The following ADAMTS19 variants were observed in gnomAD, a reference collection of about 807,000 sequenced individuals.
The protein encoded by ADAMTS19 is ADAM metallopeptidase with thrombospondin type 1 motif 19, also known as A disintegrin and metalloproteinase with thrombospondin motifs 19.
Under a neutral mutation model 153.3 loss-of-function variants are expected in ADAMTS19, and 93 were observed. That is an observed-to-expected ratio of 0.61 (90% CI 0.51 to 0.72). ADAMTS19 has a LOEUF of 0.72. Among genes scored for constraint, ADAMTS19 ranks in the 30% least tolerant of loss-of-function variants. ADAMTS19 has a pLI of 0.00. For synonymous variants in ADAMTS19, 600 were observed against 556.6 expected (o/e 1.08, Z -1.10); for missense variants, 1,482 against 1,552.1 (o/e 0.95, Z 0.76).
chr5:129,489,235 G>A (rs1750689969), intron 2 of ADAMTS19, among the ~76,000 whole-genome samples: 1 of 152,066 alleles, frequency 6.6e-6, no homozygotes, highest in Non-Finnish European at 1.5e-5. Flanking sequence ...GTACATAATA[G>A]TTGATGAGAA....
chr5:129,716,346 GCACCACCA>G (rs1432471530), intron 21 of ADAMTS19, among the ~76,000 whole-genome samples: 2 of 151,886 alleles, frequency 1.3e-5, no homozygotes, highest in Non-Finnish European at 2.9e-5. Context: ...CTACAGGCAT[GCACCACCA>G]CACCCAGCTG....
Position 129,717,973 on chromosome 5 carries a change from T to G in ADAMTS19, c.3312+13582T>G, listed in dbSNP as rs149855468. Reference sequence around the variant, plus strand: ...TTTAATGATTGTCATTCCAAAAAGTTCTCTCTGGTGGGAAGATGTTTCACT... The same window carrying G: ...TTTAATGATTGTCATTCCAAAAAGTGCTCTCTGGTGGGAAGATGTTTCACT... On this transcript the variant is annotated intron_variant, in intron 21 of 22. Transcript: ENST00000274487. Among the ~76,000 whole-genome samples, 521 of 152,250 alleles carry G rather than the reference T, an allele frequency of 3.4e-3. 4 individuals are homozygous for G. Among genetic ancestry groups the G allele is most frequent in the African/African-American group, 0.012 (507 of 41,556 alleles).
chr5:129,643,774 T>C (rs979322284), intron 11 of ADAMTS19, among the ~76,000 whole-genome samples: 3 of 152,158 alleles, frequency 2.0e-5, no homozygotes, highest in African/African-American at 7.2e-5. Flanking sequence ...AGAATTTGGG[T>C]CTGTTTTATT....
intron 6 of ADAMTS19, among the ~76,000 whole-genome samples, chr5:129,536,317 A>G (rs1375604019): frequency 3.9e-5 from 6 of 152,232 alleles, no homozygotes; most frequent in Non-Finnish European, 5.9e-5. Flanking sequence ...AAAAATGCTC[A>G]TCATCACTGG....
chr5:129,578,374 G>A (rs1391326071), intron 7 of ADAMTS19, among the ~76,000 whole-genome samples: 3 of 116,144 alleles, frequency 2.6e-5, no homozygotes, highest in African/African-American at 6.6e-5. Flanking sequence ...GTATATGTAC[G>A]TATACGTACA....
chr5:129,715,031 G>A (rs1756662789), intron 21 of ADAMTS19, among the ~76,000 whole-genome samples: 1 of 152,092 alleles, frequency 6.6e-6, no homozygotes, highest in African/African-American at 2.4e-5. Context: ...CTACTATTAA[G>A]TAAGTAAATG....
chr5:129,558,432 T>A (rs76134640), intron 7 of ADAMTS19, among the ~76,000 whole-genome samples: 3,605 of 152,176 alleles, frequency 0.024, 117 homozygotes, highest in African/African-American at 0.078. Context: ...ATGAAATATA[T>A]TGAAATATAT....
At chr5:129,598,507 A>C (rs1457203139) in intron 8 of ADAMTS19, among the ~76,000 whole-genome samples, 1 of 152,230 alleles carries the variant, frequency 6.6e-6, no homozygotes, top group Admixed American at 6.5e-5. Flanking sequence ...TGAATTAACA[A>C]AATTAAATAT....
intron 14 of ADAMTS19, 33 bp from the exon 15 acceptor site, chr5:129,658,584 T>C (rs1265360187): frequency 6.2e-7 from 1 of 1,605,166 alleles, no homozygotes; most frequent in Non-Finnish European, 8.5e-7. Context: ...AGAATACTGC[T>C]ATTTATGATG....
At chr5:129,496,834 G>A (rs931343419) in intron 2 of ADAMTS19, among the ~76,000 whole-genome samples, 56 of 152,008 alleles carry the variant, frequency 3.7e-4, no homozygotes, top group South Asian at 8.3e-4. Context: ...GGTGGGTGGC[G>A]ATTTGGAAGC....
chr5:129,719,304 A>C (rs1756871076), intron 21 of ADAMTS19, among the ~76,000 whole-genome samples: 1 of 152,168 alleles, frequency 6.6e-6, no homozygotes, highest in Admixed American at 6.5e-5. Context: ...CCATGAACTC[A>C]CTGACAAACT....
chr5:129,644,485 G>A (rs982670070), intron 11 of ADAMTS19, among the ~76,000 whole-genome samples: 3 of 152,188 alleles, frequency 2.0e-5, no homozygotes, highest in Admixed American at 6.5e-5. Context: ...TAATCTAAGA[G>A]TATATAATTA....
chr5:129,695,770 A>C (rs1165006411), intron 19 of ADAMTS19, among the ~76,000 whole-genome samples: 2 of 152,302 alleles, frequency 1.3e-5, no homozygotes, highest in Admixed American at 1.3e-4. Context: ...AGGAATATTT[A>C]CTTTGTCCTG....
At chr5:129,617,629 T>G (rs1265088816) in intron 8 of ADAMTS19, among the ~76,000 whole-genome samples, 1 of 152,060 alleles carries the variant, frequency 6.6e-6, no homozygotes, top group Admixed American at 6.6e-5. Flanking sequence ...CACCCATTGA[T>G]GTGGGCTGTA....
At chr5:129,539,865 G>A (rs1443116857) in intron 6 of ADAMTS19, among the ~76,000 whole-genome samples, 1 of 151,970 alleles carries the variant, frequency 6.6e-6, no homozygotes, top group Non-Finnish European at 1.5e-5. Flanking sequence ...TTCTGTGGAG[G>A]ATCACCCTTT....
In ADAMTS19 at chr5:129,679,834, G is replaced by A; in HGVS notation, c.2577G>A (p.Leu859=). The A allele has an allele frequency of 1.2e-6, 2 of 1,613,864 alleles. No individual in the cohort carries two copies. Among genetic ancestry groups the A allele is most frequent in the Non-Finnish European group, 1.7e-6 (2 of 1,179,856 alleles). ...WKIEHSGAFN[L]AGTTVHYVRR... is the part of the protein sequence containing the mutation. Reference sequence around the variant, plus strand: ...TTGAACACTCTGGAGCCTTCAATTTGGCTGGAACTACCGTTCATTATGTAA... The same window carrying A: ...TTGAACACTCTGGAGCCTTCAATTTAGCTGGAACTACCGTTCATTATGTAA... The change falls in exon 17 of 23, where the codon TTG becomes TTA. Residue 859 remains leucine, a synonymous_variant. Transcript: ENST00000274487.
At chr5:129,656,917 G>A (rs1753571423) in intron 14 of ADAMTS19, among the ~76,000 whole-genome samples, 1 of 152,188 alleles carries the variant, frequency 6.6e-6, no homozygotes, top group African/African-American at 2.4e-5. Flanking sequence ...CAGGGATAGA[G>A]CAATAAAGAT....
chr5:129,709,962 CT>C (rs555829688), intron 21 of ADAMTS19, among the ~76,000 whole-genome samples: 267 of 143,392 alleles, frequency 1.9e-3, no homozygotes, highest in African/African-American at 3.6e-3. Flanking sequence ...CCTCTATTTT[CT>C]TTTTTTTTTT....
At chr5:129,644,813 G>C (rs1455812840) in intron 11 of ADAMTS19, among the ~76,000 whole-genome samples, 1 of 152,098 alleles carries the variant, frequency 6.6e-6, no homozygotes. Flanking sequence ...ACCTTAGACT[G>C]TTTGGAAGGA....
Sources: gnomAD v4.1 joint callset for allele counts (sites outside exome capture counted in the v4.1 genomes callset) on GRCh38, gnomAD v4.1.1 for gene constraint, MANE v1.5 for transcripts, NCBI Gene and HGNC (gene_info 2026-07-23, HGNC 2026-07-21) for gene names.